HMCN2: variants seen among roughly 807,000 people sequenced by gnomAD.
HMCN2 encodes the protein hemicentin 2.
A neutral mutation model predicts 377.5 loss-of-function variants in HMCN2; 325 were observed. That is an observed-to-expected ratio of 0.86 (90% CI 0.79 to 0.94). HMCN2 has a LOEUF of 0.94. Among genes scored for constraint, HMCN2 ranks in the 40% least tolerant of loss-of-function variants. HMCN2 has a pLI of 0.00. For missense variants in HMCN2, 4,543 were observed against 4,725.3 expected (o/e 0.96, Z 1.13); for synonymous variants, 2,007 against 2,046.8 (o/e 0.98, Z 0.53).
chr9:130,269,024 G>A (rs1157438479), intron 1 of HMCN2, among the ~76,000 whole-genome samples: 8 of 148,588 alleles, frequency 5.4e-5, no homozygotes, highest in African/African-American at 1.7e-4. Flanking sequence ...TTGAGAAACG[G>A]GTTGTAGCTG....
At chr9:130,425,606 T>C in intron 89 of HMCN2, 81 bp from the exon 90 acceptor site, 2 of 1,011,180 alleles carry the variant, frequency 2.0e-6, no homozygotes, top group Non-Finnish European at 3.0e-6. Context: ...ATCTCAGCAT[T>C]TTCCTCCTCC....
At chr9:130,313,871 C>T (rs1837405169) in intron 15 of HMCN2, among the ~76,000 whole-genome samples, 1 of 148,686 alleles carries the variant, frequency 6.7e-6, no homozygotes, top group East Asian at 2.1e-4. Flanking sequence ...CCTCTGCCTC[C>T]CGGGTGCAAG....
At chr9:130,305,240 G>A (rs1173311089) in intron 11 of HMCN2, among the ~76,000 whole-genome samples, 3 of 152,058 alleles carry the variant, frequency 2.0e-5, no homozygotes, top group Non-Finnish European at 4.4e-5. Context: ...ACTGCTGTAC[G>A]CCAAGCCAAT....
chr9:130,429,372 C>T, intron 93 of HMCN2, 185 bp from the exon 94 acceptor site: 1 of 678,340 alleles, frequency 1.5e-6, no homozygotes, highest in South Asian at 2.0e-5. Context: ...GGACCTGGAA[C>T]CCTGTTGACC....
In HMCN2 at chr9:130,306,919, G is replaced by C. The variant is rs1331307419; in HGVS notation, c.2067G>C (p.Thr689=). 1 of 470,424 alleles carries C rather than the reference G, an allele frequency of 2.1e-6. No homozygotes were observed. The highest frequency in any genetic ancestry group is 4.4e-6 in the Non-Finnish European group (1 of 226,720). The allele number at this position is 470,424 out of a possible 1,614,324, so 29.1% of individuals were successfully genotyped here. A position where few individuals can be genotyped will look rare whatever the true frequency, so the allele number is the denominator to read the frequency against. ...ATGAGGTTGGCACTGACCAGGAGAC[G>C]GTCACCCTCTACTACACAGGTACCC... The part of the protein sequence containing the change: ...ATNEVGTDQE[T]VTLYYTDPPS... Residue 689 remains threonine, a synonymous_variant, in exon 13 of 98, where the codon ACG becomes ACC. Transcript: ENST00000683500.
chr9:130,373,176 C>G lies in HMCN2; in HGVS notation c.7438+52C>G, dbSNP rs1279318713. On this transcript the variant is annotated intron_variant, in intron 48 of 97. Transcript: ENST00000683500. Reference sequence around the variant, plus strand: ...GGGAGAAGGGGCGGGAAGGCACCTTCAGAAAGGAGGGGATCCCTGGGGATC... The same window carrying G: ...GGGAGAAGGGGCGGGAAGGCACCTTGAGAAAGGAGGGGATCCCTGGGGATC... 6 of 722,958 alleles carry G rather than the reference C, an allele frequency of 8.3e-6. No individual in the cohort carries two copies. In the South Asian group the frequency reaches 3.1e-4, roughly 38 times the overall value. 44.8% of individuals were successfully genotyped at this position (722,958 alleles called of 1,614,324 possible).
At chr9:130,297,655 C>T (rs2131321501) in intron 7 of HMCN2, among the ~76,000 whole-genome samples, 1 of 152,334 alleles carries the variant, frequency 6.6e-6, no homozygotes. Context: ...TTAGTGCTTT[C>T]TTTCGAGTCT....
At position 130,427,490 on chromosome 9, in the gene HMCN2, G is replaced by A; in HGVS notation, c.13943-7G>A. The A allele has an allele frequency of 6.5e-7, 1 of 1,550,386 alleles. No individual in the cohort carries two copies. The highest frequency in any genetic ancestry group is 1.4e-5 in the African/African-American group (1 of 73,146). ...AGCGGAGACCACCAGACCCCTTCCT[G>A]CCCCAGACAGGGACGAGTGCTCAGG... On this transcript the variant is annotated splice_polypyrimidine_tract_variant and splice_region_variant and intron_variant, in intron 91 of 97. Coordinates refer to ENST00000683500, the MANE Select transcript of HMCN2 (RefSeq NM_001291815.2).
chr9:130,343,001 G>C (rs879020074), intron 25 of HMCN2, among the ~76,000 whole-genome samples: 13,149 of 152,216 alleles, frequency 0.086, 900 homozygotes, highest in East Asian at 0.4. Context: ...ATCTCCTTTC[G>C]AGCATCAGTT....
At chr9:130,408,019 T>C (rs10736863) in intron 83 of HMCN2, among the ~76,000 whole-genome samples, 1 of 152,074 alleles carries the variant, frequency 6.6e-6, no homozygotes, top group Admixed American at 6.5e-5. Context: ...GTGCCAGGGT[T>C]GGAGGAGAGC....
At chr9:130,353,776 G>A (rs1178933224) in intron 31 of HMCN2, among the ~76,000 whole-genome samples, 1 of 152,174 alleles carries the variant, frequency 6.6e-6, no homozygotes, top group Admixed American at 6.5e-5. Flanking sequence ...TCAGCCCTGA[G>A]GGGCTTGGCT....
intron 53 of HMCN2, among the ~76,000 whole-genome samples, chr9:130,378,188 T>C (rs1048791806): frequency 4.0e-5 from 6 of 151,696 alleles, no homozygotes; most frequent in Non-Finnish European, 8.8e-5. Flanking sequence ...TGTGGGTACC[T>C]GGGGCTCATT....
intron 62 of HMCN2, among the ~76,000 whole-genome samples, chr9:130,389,313 T>A (rs1842178884): frequency 1.3e-5 from 2 of 152,206 alleles, no homozygotes; most frequent in African/African-American, 4.8e-5. Context: ...CAGAGTTGTG[T>A]GACCATCACC....
intron 85 of HMCN2, among the ~76,000 whole-genome samples, chr9:130,411,953 A>G (rs113222540): frequency 9.9e-5 from 3 of 30,382 alleles, no homozygotes; most frequent in African/African-American, 2.0e-4. Context: ...TATGTAATGT[A>G]TTTTTTTTAC....
At chr9:130,271,194 G>A (rs1195856357) in intron 1 of HMCN2, among the ~76,000 whole-genome samples, 1 of 148,694 alleles carries the variant, frequency 6.7e-6, no homozygotes, top group African/African-American at 2.4e-5. Flanking sequence ...TGCCTGACTC[G>A]GATAGTATTT....
At chr9:130,318,356 G>A (rs1040074473) in intron 15 of HMCN2, among the ~76,000 whole-genome samples, 25 of 152,024 alleles carry the variant, frequency 1.6e-4, no homozygotes, top group Admixed American at 1.5e-3. Context: ...AAATAAAAAG[G>A]CCAGGGACTT....
At position 130,267,476 on chromosome 9, in the gene HMCN2, A is replaced by ACACACACG. The variant is rs1265312371; in HGVS notation, c.259+1340_259+1341insACACACGC. Among the ~76,000 whole-genome samples, 511 of 149,920 alleles carry ACACACACG rather than the reference A, an allele frequency of 3.4e-3. 9 individuals are homozygous for ACACACACG. The highest frequency in any genetic ancestry group is 0.012 in the African/African-American group (478 of 40,426). On this transcript the variant is annotated intron_variant, in intron 1 of 97. Transcript: ENST00000683500. Reference sequence around the variant, plus strand: ...CACACACACACACACACACACACACACGCACAGATTCCTTGCTAAATTGTA... The same window carrying ACACACACG: ...CACACACACACACACACACACACACACACACACGCGCACAGATTCCTTGCTAAATTGTA...
At chr9:130,309,815 G>A (rs1265940755) in intron 14 of HMCN2, 97 bp from the exon 15 acceptor site, 2 of 350,722 alleles carry the variant, frequency 5.7e-6, no homozygotes, top group African/African-American at 4.4e-5. Context: ...CCCCAACCTT[G>A]TGCAGCCGCA....
At chr9:130,339,001 C>CA (rs1838907674) in intron 23 of HMCN2, among the ~76,000 whole-genome samples, 2 of 152,054 alleles carry the variant, frequency 1.3e-5, no homozygotes, top group South Asian at 4.2e-4. Context: ...CCAGCCTGGG[C>CA]AGCATAGCAA....
Sources: allele counts gnomAD v4.1 joint callset (sites outside exome capture counted in the v4.1 genomes callset), GRCh38; gene constraint gnomAD v4.1.1; transcripts MANE v1.5; gene names NCBI Gene and HGNC (gene_info 2026-07-23, HGNC 2026-07-21).